AUTS2: variants seen among roughly 807,000 people sequenced by gnomAD.
AUTS2 encodes the protein activator of transcription and developmental regulator AUTS2.
Under a neutral mutation model 112.4 loss-of-function variants are expected in AUTS2, and 17 were observed. That is an observed-to-expected ratio of 0.15 (90% CI 0.10 to 0.23). AUTS2 has a LOEUF of 0.23. AUTS2 is among the 10% of genes least tolerant of loss of function. The pLI is 1.00. For synonymous variants in AUTS2, 751 were observed against 702.7 expected, an observed-to-expected ratio of 1.07 and a Z score of -1.09; for missense variants, 1,510 against 1,701.6, an observed-to-expected ratio of 0.89 and a Z score of 1.98.
chr7:70,491,846 C>T (rs1585210248), intron 5 of AUTS2, among the ~76,000 whole-genome samples: 2 of 152,090 alleles, frequency 1.3e-5, no homozygotes, highest in African/African-American at 2.4e-5. Flanking sequence ...ACGTCCTGAC[C>T]TCAGGTAATC....
chr7:70,461,546 CAT>C (rs1260756750), intron 5 of AUTS2, among the ~76,000 whole-genome samples: 2 of 152,152 alleles, frequency 1.3e-5, no homozygotes, highest in African/African-American at 2.4e-5. Flanking sequence ...CTCTCTGAGA[CAT>C]GTGGTGGTAA....
intron 1 of AUTS2, among the ~76,000 whole-genome samples, chr7:69,845,773 A>G (rs899152557): frequency 1.3e-5 from 2 of 152,164 alleles, no homozygotes; most frequent in Non-Finnish European, 2.9e-5. Flanking sequence ...TTGTCAGGAC[A>G]TCCCAGATTC....
chr7:69,735,495 AT>A (rs1786989638), intron 1 of AUTS2, among the ~76,000 whole-genome samples: 1 of 152,162 alleles, frequency 6.6e-6, no homozygotes, highest in Admixed American at 6.5e-5. Flanking sequence ...CCTTCTAATT[AT>A]TTAACCCATG....
At chr7:70,750,411 A>G (rs1335170984) in intron 6 of AUTS2, among the ~76,000 whole-genome samples, 3 of 139,496 alleles carry the variant, frequency 2.2e-5, no homozygotes, top group Admixed American at 7.2e-5. Flanking sequence ...TGCAGCCTCT[A>G]CCTCCCAGGC....
At chr7:69,602,992 A>G (rs546075378) in intron 1 of AUTS2, among the ~76,000 whole-genome samples, 14 of 152,348 alleles carry the variant, frequency 9.2e-5, no homozygotes, top group South Asian at 2.1e-4. Flanking sequence ...GGAACAGGCA[A>G]CTAAACTATG....
intron 4 of AUTS2, among the ~76,000 whole-genome samples, chr7:70,250,963 C>A (rs777899108): frequency 6.6e-6 from 1 of 152,138 alleles, no homozygotes; most frequent in Non-Finnish European, 1.5e-5. Flanking sequence ...CTCTGTGGCA[C>A]GCAGCTTACC....
At chr7:70,260,093 C>T (rs1249743208) in intron 4 of AUTS2, among the ~76,000 whole-genome samples, 4 of 152,026 alleles carry the variant, frequency 2.6e-5, no homozygotes, top group Admixed American at 6.6e-5. Context: ...TGGCCAGGCG[C>T]GGTGGCTCAC....
chr7:70,777,248 A>G (rs2129559217), intron 14 of AUTS2, 74 bp downstream of exon 14: 1 of 1,349,804 alleles, frequency 7.4e-7, no homozygotes. Context: ...GGAGAACCTG[A>G]TGAAGGAGGC....
At chr7:70,067,148 T>G (rs1802534914) in intron 2 of AUTS2, among the ~76,000 whole-genome samples, 1 of 152,232 alleles carries the variant, frequency 6.6e-6, no homozygotes. Flanking sequence ...TGATGCATTT[T>G]GGATTACAGC....
chr7:69,842,243 G>T (rs565442761), intron 1 of AUTS2, among the ~76,000 whole-genome samples: 50 of 152,096 alleles, frequency 3.3e-4, no homozygotes, highest in African/African-American at 1.2e-3. Context: ...TAGATAAAAT[G>T]GATTTTTTTA....
At chr7:69,675,841 C>T (rs2129162056) in intron 1 of AUTS2, among the ~76,000 whole-genome samples, 1 of 152,198 alleles carries the variant, frequency 6.6e-6, no homozygotes, top group African/African-American at 2.4e-5. Flanking sequence ...CCCACAGTCC[C>T]ATGATGTGTG....
intron 1 of AUTS2, among the ~76,000 whole-genome samples, chr7:69,815,557 C>G (rs2129525427): frequency 6.6e-6 from 1 of 152,250 alleles, no homozygotes; most frequent in South Asian, 2.1e-4. Context: ...ACTCTGTCGC[C>G]AGACTGGAGT....
At chr7:70,211,715 G>A (rs569649202) in intron 4 of AUTS2, among the ~76,000 whole-genome samples, 3 of 151,700 alleles carry the variant, frequency 2.0e-5, no homozygotes, top group Non-Finnish European at 4.4e-5. Context: ...GGCCAGGCGC[G>A]GTGGCTCATG....
intron 4 of AUTS2, among the ~76,000 whole-genome samples, chr7:70,235,075 T>C (rs770898653): frequency 6.6e-6 from 1 of 152,194 alleles, no homozygotes; most frequent in Non-Finnish European, 1.5e-5. Context: ...TATACTAAAA[T>C]GATTTGGAGG....
intron 2 of AUTS2, among the ~76,000 whole-genome samples, chr7:69,936,342 T>TTTTTG (rs906251052): frequency 4.6e-5 from 7 of 152,054 alleles, no homozygotes; most frequent in African/African-American, 9.7e-5. Context: ...CTACAGATTT[T>TTTTTG]TTTTGTTTTG....
At chr7:70,281,282 T>C (rs184484774) in intron 4 of AUTS2, among the ~76,000 whole-genome samples, 25 of 152,340 alleles carry the variant, frequency 1.6e-4, no homozygotes, top group Non-Finnish European at 3.5e-4. Context: ...CAGCCTCATC[T>C]ATGCTGTACC....
intron 5 of AUTS2, among the ~76,000 whole-genome samples, chr7:70,581,473 G>A (rs926908598): frequency 9.2e-5 from 14 of 152,306 alleles, no homozygotes; most frequent in African/African-American, 3.4e-4. Context: ...TGGGAGGATC[G>A]CTTAAGCCAG....
At chr7:70,683,690 C>T (rs7793102) in intron 5 of AUTS2, among the ~76,000 whole-genome samples, 33,735 of 152,246 alleles carry the variant, frequency 0.22, 4,627 homozygotes, top group Non-Finnish European at 0.3. Flanking sequence ...ATGGAAATTA[C>T]ATAGGACCAG....
chr7:70,687,478 T>A (rs57500753), intron 5 of AUTS2, among the ~76,000 whole-genome samples: 3,391 of 152,344 alleles, frequency 0.022, 148 homozygotes, highest in African/African-American at 0.076. Context: ...ATGGATTTTT[T>A]AATACTTTTT....
Sources: gnomAD v4.1 joint callset for allele counts (sites outside exome capture counted in the v4.1 genomes callset) on GRCh38, gnomAD v4.1.1 for gene constraint, MANE v1.5 for transcripts, NCBI Gene and HGNC (gene_info 2026-07-23, HGNC 2026-07-21) for gene names.